Variants in HECW2 observed in about 807,000 individuals in gnomAD.
HECW2 encodes the protein HECT, C2 and WW domain containing E3 ubiquitin protein ligase 2.
A neutral mutation model predicts 175.2 loss-of-function variants in HECW2; 61 were observed. That is an observed-to-expected ratio of 0.35 (90% CI 0.28 to 0.43). HECW2 has a LOEUF of 0.43. HECW2 is among the 20% of genes least tolerant of loss of function. The pLI is 1.00. For missense variants in HECW2, 1,524 were observed against 2,000.5 expected, an observed-to-expected ratio of 0.76 and a Z score of 4.54; for synonymous variants, 671 against 731.0, an observed-to-expected ratio of 0.92 and a Z score of 1.32.
intron 10 of HECW2, chr2:196,316,080 G>A (rs1691683536): frequency 6.6e-6 from 1 of 152,112 alleles, no homozygotes; most frequent in South Asian, 2.1e-4. Flanking sequence ...GAAGTTTTCT[G>A]TGGCCCTCTC....
chr2:196,523,384 A>G (rs1232956598), intron 1 of HECW2, among the ~76,000 whole-genome samples: 2 of 152,038 alleles, frequency 1.3e-5, no homozygotes, highest in South Asian at 4.2e-4. Flanking sequence ...GGCTGAGACA[A>G]TGGGGTTTTC....
intron 4 of HECW2, 75 bp from the exon 5 acceptor site, chr2:196,329,725 G>A (rs987533328): frequency 3.5e-6 from 4 of 1,149,858 alleles, no homozygotes; most frequent in Non-Finnish European, 5.2e-6. Flanking sequence ...AACCATGTAT[G>A]TTCCTAAATG....
chr2:196,269,488 C>T (rs113580707), intron 17 of HECW2: 1 of 110,696 alleles, frequency 9.0e-6, no homozygotes, highest in Admixed American at 9.0e-5. Context: ...TCCGTCTCCC[C>T]CTACCTCCAA....
chr2:196,452,767 T>C (rs1393228352), intron 1 of HECW2, among the ~76,000 whole-genome samples: 2 of 145,408 alleles, frequency 1.4e-5, no homozygotes, highest in Non-Finnish European at 3.0e-5. Flanking sequence ...CTATGCATGA[T>C]CAAATGAGTG....
At chr2:196,381,023 C>T (rs900763237) in intron 2 of HECW2, among the ~76,000 whole-genome samples, 3 of 152,198 alleles carry the variant, frequency 2.0e-5, no homozygotes, top group East Asian at 1.9e-4. Flanking sequence ...CTACCATTCC[C>T]GAAGTGCTTC....
At chr2:196,370,531 G>A (rs1039830978) in intron 2 of HECW2, among the ~76,000 whole-genome samples, 2 of 152,156 alleles carry the variant, frequency 1.3e-5, no homozygotes, top group African/African-American at 4.8e-5. Context: ...ACCCCAGCTG[G>A]TGTCTCACTA....
chr2:196,276,328 T>C (rs1006419127), intron 15 of HECW2, among the ~76,000 whole-genome samples: 4 of 152,178 alleles, frequency 2.6e-5, no homozygotes, highest in African/African-American at 4.8e-5. Flanking sequence ...TTTCCAGCCA[T>C]AGGAGGAAAA....
rs766072182 is a variant in HECW2 at position 196,278,638 on chromosome 2, G to A, written c.3025C>T (p.Arg1009Cys). 17 of 1,614,016 alleles carry A rather than the reference G, an allele frequency of 1.1e-5. No homozygotes were observed. The highest frequency in any genetic ancestry group is 1.7e-5 in the Admixed American group (1 of 60,004). Residue 1009 changes from arginine (R) to cysteine (C), a missense_variant, in exon 15 of 29, where the codon CGC becomes TGC. By Grantham distance (180) the Arg-to-Cys change is radical. Around this residue, in one of 11 missense-constraint regions of HECW2, gnomAD observed 291 missense variants for 412.2 expected, o/e 0.71. Transcript: ENST00000644978. ...CGGGGATCAATGAAAGTGGTGGTGC[G>A]GGAGTTGTGGTCCACAAAGAATGCC... Reference protein sequence around the residue: ...GKAFFVDHNSRTTTFIDPRLP... With the variant: ...GKAFFVDHNSCTTTFIDPRLP...
chr2:196,584,398 G>A (rs1022816674), intron 1 of HECW2, among the ~76,000 whole-genome samples: 1 of 152,100 alleles, frequency 6.6e-6, no homozygotes, highest in South Asian at 2.1e-4. Context: ...TAAAAACACT[G>A]AAGAGATATT....
chr2:196,253,235 G>A (rs1688924550), intron 19 of HECW2, among the ~76,000 whole-genome samples: 1 of 152,184 alleles, frequency 6.6e-6, no homozygotes, highest in Admixed American at 6.5e-5. Flanking sequence ...TTTCAGTTCT[G>A]ACAGCTGTTA....
intron 4 of HECW2, among the ~76,000 whole-genome samples, chr2:196,331,598 T>G (rs1692361383): frequency 6.6e-6 from 1 of 152,240 alleles, no homozygotes; most frequent in African/African-American, 2.4e-5. Context: ...TAAAACCTAT[T>G]TGAAAATTAT....
At chr2:196,220,464 C>A (rs1687626193) in intron 25 of HECW2, among the ~76,000 whole-genome samples, 1 of 152,124 alleles carries the variant, frequency 6.6e-6, no homozygotes, top group East Asian at 1.9e-4. Flanking sequence ...TCATTCTGAT[C>A]TCAGATATAA....
Position 196,397,444 on chromosome 2 carries a change from C to T in HECW2, c.292+35688G>A, listed in dbSNP as rs1167109446. ...TACACACAAACCTCTTCTGGCCATC[C>T]TCTAGGGATGTAGCTTTGTGAAATC... On this transcript the variant is annotated intron_variant, in intron 2 of 28. Coordinates refer to ENST00000644978, the MANE Select transcript of HECW2 (RefSeq NM_001348768.2). Among the ~76,000 whole-genome samples, 3 of 152,328 alleles carry T rather than the reference C, an allele frequency of 2.0e-5. No homozygotes were observed. The East Asian group carries it at 5.8e-4, about 29-fold the overall frequency.
At chr2:196,490,379 A>C (rs1429066867) in intron 1 of HECW2, among the ~76,000 whole-genome samples, 2 of 152,164 alleles carry the variant, frequency 1.3e-5, no homozygotes, top group African/African-American at 4.8e-5. Flanking sequence ...ATGACAGGAG[A>C]TATATCTGTG....
chr2:196,522,994 G>T (rs535279170), intron 1 of HECW2, among the ~76,000 whole-genome samples: 1 of 151,868 alleles, frequency 6.6e-6, no homozygotes, highest in African/African-American at 2.4e-5. Context: ...CTTTAAAGTA[G>T]TTTTTTCCAA....
intron 16 of HECW2, 116 bp downstream of exon 16, chr2:196,273,905 T>C: frequency 1.5e-6 from 1 of 677,220 alleles, no homozygotes; most frequent in East Asian, 2.7e-5. Context: ...AATGCAGCAA[T>C]TTCTCAATAT....
chr2:196,577,486 T>C (rs959173574), intron 1 of HECW2, among the ~76,000 whole-genome samples: 2 of 151,918 alleles, frequency 1.3e-5, no homozygotes, highest in Non-Finnish European at 2.9e-5. Context: ...AAAGAAAAAA[T>C]TTAAAAGAAA....
At chr2:196,266,755 T>A (rs1365159747) in intron 17 of HECW2, among the ~76,000 whole-genome samples, 1 of 152,226 alleles carries the variant, frequency 6.6e-6, no homozygotes, top group Non-Finnish European at 1.5e-5. Context: ...CTTTAACTTT[T>A]TATTAACTAA....
chr2:196,326,277 C>A (rs541804754), intron 5 of HECW2, among the ~76,000 whole-genome samples: 1 of 152,116 alleles, frequency 6.6e-6, no homozygotes, highest in African/African-American at 2.4e-5. Flanking sequence ...GCCCATAGAA[C>A]CGTATTCTTG....
Sources: allele counts gnomAD v4.1 joint callset (sites outside exome capture counted in the v4.1 genomes callset), GRCh38; gene constraint gnomAD v4.1.1; regional missense constraint gnomAD v4.1.1; transcripts MANE v1.5; gene names NCBI Gene and HGNC (gene_info 2026-07-23, HGNC 2026-07-21).